Variants in SMPD3 observed in about 807,000 individuals in gnomAD.
SMPD3 encodes the protein nSMase-2.
In SMPD3, 21 loss-of-function variants were observed where a neutral mutation model predicts 55.7. The observed-to-expected ratio is 0.38, with a 90% CI of 0.27 to 0.54. SMPD3 has a LOEUF of 0.54. SMPD3 is among the 20% of genes least tolerant of loss of function. The pLI, the probability that SMPD3 is intolerant of heterozygous loss-of-function variation, is 0.80. For synonymous variants in SMPD3, 457 were observed against 404.3 expected (o/e 1.13, Z -1.56); for missense variants, 842 against 899.6 (o/e 0.94, Z 0.82).
rs773035710 is a variant in SMPD3, at chr16:68,361,203, G to A, written c.*3C>T. ...TGGCAGAGGCCCCGCTGCTCCGGAC[G>A]GTCTATGCCTCCTCCTCCCCCGAAG... On this transcript the variant is annotated 3_prime_UTR_variant, in exon 9 of 9. Transcript: ENST00000219334. 19 of 1,612,862 alleles carry A rather than the reference G, an allele frequency of 1.2e-5. No individual in the cohort carries two copies. The highest frequency in any genetic ancestry group is 3.3e-5 in the Admixed American group (2 of 59,972).
intron 4 of SMPD3, 51 bp from the exon 5 acceptor site, chr16:68,364,957 A>T (rs2089432092): frequency 1.2e-6 from 2 of 1,613,408 alleles, no homozygotes. Flanking sequence ...CCCAGACCCC[A>T]GCTAGGCCCC....
chr16:68,380,618 T>G (rs1185413139), intron 2 of SMPD3, among the ~76,000 whole-genome samples: 1 of 152,098 alleles, frequency 6.6e-6, no homozygotes, highest in Non-Finnish European at 1.5e-5. Flanking sequence ...ACCTCTGCCC[T>G]TCATAGGAAG....
chr16:68,381,594 C>A (rs1447455540), intron 2 of SMPD3, among the ~76,000 whole-genome samples: 1 of 152,160 alleles, frequency 6.6e-6, no homozygotes, highest in Non-Finnish European at 1.5e-5. Context: ...GGTATTGCTG[C>A]GCTTAAGTAC....
rs984130798 is a variant in SMPD3, at chr16:68,361,274, A to G, written c.1900T>C (p.Ser634Pro). The G allele has an allele frequency of 1.2e-6, 2 of 1,612,180 alleles. No individual in the cohort carries two copies. The highest frequency in any genetic ancestry group is 1.7e-6 in the Non-Finnish European group (2 of 1,179,446). ...VEEFSFITQL[S>P]GLTDHLPVAM... ...ACTGGCAGGTGGTCCGTCAGGCCGG[A>G]CAGCTGGGTGATAAAACTGAATTCT... The change falls in exon 9 of 9, where the codon TCC becomes CCC. Residue 634 changes from serine to proline, a missense_variant. By Grantham distance (74) the Ser-to-Pro change is moderately conservative. Transcript: ENST00000219334.
In SMPD3 at chr16:68,363,782, G is replaced by T. The variant is rs773117797; in HGVS notation, c.1640C>A (p.Ala547Asp). Residue 547 changes from alanine (A) to aspartate (D), a missense_variant, in exon 6 of 9, where the codon GCC (alanine) becomes GAC (aspartate). Ala to Asp is a moderately radical substitution (Grantham distance 126). Around this residue, in one of 2 missense-constraint regions of SMPD3, gnomAD observed 649 missense variants for 643.6 expected, o/e 1.01. Coordinates refer to ENST00000219334, the MANE Select transcript of SMPD3 (RefSeq NM_018667.4). ...CTCCCCCAGCCCCAGCTCACCGATG[G>T]CCCACGGCTTCTCCTCACCAGGCCC... Reference protein sequence around the residue: ...RLGPGEEKPWAIGTLLDTNGL... With the variant: ...RLGPGEEKPWDIGTLLDTNGL... 1.2e-5 allele frequency: 18 copies of T among 1,563,598 alleles called. No homozygotes were observed. The highest frequency in any genetic ancestry group is 8.7e-7 in the Non-Finnish European group (1 of 1,154,248).
Position 68,364,671 on chromosome 16 carries a change from T to C in SMPD3, c.1555+80A>G. On this transcript the variant is annotated intron_variant, in intron 5 of 8. Coordinates refer to ENST00000219334, the MANE Select transcript of SMPD3 (RefSeq NM_018667.4). ...AGGAGCAGGAATTCTTTGAGCTGCCTAACGAAGTCTGTCTAGCTGTGACTG... is the reference window on the plus strand; with the variant it reads ...AGGAGCAGGAATTCTTTGAGCTGCCCAACGAAGTCTGTCTAGCTGTGACTG... 4 of 1,477,386 alleles carry C rather than the reference T, an allele frequency of 2.7e-6. No individual in the cohort carries two copies. The Admixed American group carries it at 8.4e-5, about 31-fold the overall frequency. The allele number at this position is 1,477,386 out of a possible 1,614,324, so 91.5% of individuals were successfully genotyped here. A position where few individuals can be genotyped will look rare whatever the true frequency, so the allele number is the denominator to read the frequency against.
rs576674098 is a variant in SMPD3, at chr16:68,361,190, C to T, written c.*16G>A. Reference sequence around the variant, plus strand: ...CAGCTGCAAGGGCTGGCAGAGGCCCCGCTGCTCCGGACGGTCTATGCCTCC... The same window carrying T: ...CAGCTGCAAGGGCTGGCAGAGGCCCTGCTGCTCCGGACGGTCTATGCCTCC... On this transcript the variant is annotated 3_prime_UTR_variant, in exon 9 of 9. Coordinates refer to ENST00000219334, the MANE Select transcript of SMPD3 (RefSeq NM_018667.4). 1.2e-5 allele frequency: 20 copies of T among 1,609,832 alleles called. No homozygotes were observed. The highest frequency in any genetic ancestry group is 1.3e-5 in the African/African-American group (1 of 74,852).
At position 68,447,514 on chromosome 16, in the gene SMPD3, G is replaced by A. The variant is rs1417716751; in HGVS notation, c.-269+839C>T. ...GATAAGGCCCAGGTGGGGAGAGGTGGGGAGGGGTCCCTCCTGTCCTCGTAC... is the reference window on the plus strand; with the variant it reads ...GATAAGGCCCAGGTGGGGAGAGGTGAGGAGGGGTCCCTCCTGTCCTCGTAC... On this transcript the variant is annotated intron_variant, in intron 1 of 8. Coordinates refer to ENST00000219334, the MANE Select transcript of SMPD3 (RefSeq NM_018667.4). The surrounding 1 kb of genome is among the most constrained non-coding windows in gnomAD (Gnocchi z 5.1). 7.2e-5 allele frequency among the ~76,000 whole-genome samples: 11 copies of A among 152,044 alleles called. No homozygotes were observed. The highest frequency in any genetic ancestry group is 2.9e-5 in the Non-Finnish European group (2 of 67,912).
At chr16:68,448,288 C>T (rs983510513) in intron 1 of SMPD3, 65 bp downstream of exon 1, 6 of 152,570 alleles carry the variant, frequency 3.9e-5, no homozygotes, top group African/African-American at 1.4e-4. Context: ...CGTCAACTCC[C>T]CAGCCCCTCA....
chr16:68,361,028 CCA>C lies in SMPD3; in HGVS notation c.*176_*177del, dbSNP rs1449647232. 1.6e-6 allele frequency: 1 copy of C among 608,632 alleles called. No individual in the cohort carries two copies. The highest frequency in any genetic ancestry group is 2.9e-6 in the Non-Finnish European group (1 of 349,886). 37.7% of individuals were successfully genotyped at this position (608,632 alleles called of 1,614,324 possible). On this transcript the variant is annotated 3_prime_UTR_variant, in exon 9 of 9. Coordinates refer to ENST00000219334, the MANE Select transcript of SMPD3 (RefSeq NM_018667.4). ...CCTGGGGCGGGCCTGACTCCTCTGTCCACAGTGAGGCCCAGAGGCGCAGAGCA... is the reference window on the plus strand; with the variant it reads ...CCTGGGGCGGGCCTGACTCCTCTGTCCAGTGAGGCCCAGAGGCGCAGAGCA...
intron 1 of SMPD3, among the ~76,000 whole-genome samples, chr16:68,398,480 G>A (rs2090179353): frequency 6.6e-6 from 1 of 152,180 alleles, no homozygotes; most frequent in South Asian, 2.1e-4. Flanking sequence ...GGCCTGAGGT[G>A]GCCGAGCTGG....
chr16:68,407,277 A>C (rs1166947704), intron 1 of SMPD3, among the ~76,000 whole-genome samples: 1 of 152,216 alleles, frequency 6.6e-6, no homozygotes, highest in Non-Finnish European at 1.5e-5. Context: ...TATAACATTC[A>C]TGTCTGAGAC....
At chr16:68,440,348 C>T (rs1300616471) in intron 1 of SMPD3, among the ~76,000 whole-genome samples, 1 of 152,170 alleles carries the variant, frequency 6.6e-6, no homozygotes, top group Non-Finnish European at 1.5e-5. Flanking sequence ...TACAGGTGCA[C>T]ACCACCATGC....
rs142557088 is a variant in SMPD3, at chr16:68,365,132, C to T, written c.1324-40G>A. On this transcript the variant is annotated intron_variant, in intron 3 of 8. Transcript: ENST00000219334. ...GGTCAGTGCTGCCACCTGCCAGTCA[C>T]TGTGGCCCTGAGAGCACAGGACACT... 6.0e-5 allele frequency: 97 copies of T among 1,606,216 alleles called. No homozygotes were observed. In the Admixed American group the frequency reaches 1.0e-3, roughly 17 times the overall value.
chr16:68,365,223 C>T, intron 3 of SMPD3, 131 bp from the exon 4 acceptor site: 1 of 860,150 alleles, frequency 1.2e-6, no homozygotes, highest in African/African-American at 1.7e-5. Flanking sequence ...ATTCTGGGGT[C>T]CGAGTAGGGA....
intron 1 of SMPD3, among the ~76,000 whole-genome samples, chr16:68,393,389 G>T (rs2090129136): frequency 6.6e-6 from 1 of 152,136 alleles, no homozygotes; most frequent in African/African-American, 2.4e-5. Context: ...GGGCGATAGA[G>T]CACGAGATTC....
intron 3 of SMPD3, among the ~76,000 whole-genome samples, chr16:68,365,412 T>C (rs2089447393): frequency 6.6e-6 from 1 of 152,176 alleles, no homozygotes; most frequent in African/African-American, 2.4e-5. Context: ...GTGACCAGCG[T>C]GGCCACGGCT....
intron 1 of SMPD3, among the ~76,000 whole-genome samples, chr16:68,435,631 C>T (rs1049988196): frequency 1.3e-5 from 2 of 152,212 alleles, no homozygotes; most frequent in Non-Finnish European, 2.9e-5. Context: ...CCTGCCAGGG[C>T]CCAAGTTCTC....
intron 2 of SMPD3, among the ~76,000 whole-genome samples, chr16:68,381,642 C>G (rs1878267691): frequency 6.6e-6 from 1 of 152,206 alleles, no homozygotes; most frequent in Admixed American, 6.5e-5. Flanking sequence ...AGCTCTCTCC[C>G]TCTGCCACAT....
Sources: gnomAD v4.1 joint callset for allele counts (sites outside exome capture counted in the v4.1 genomes callset) on GRCh38, gnomAD v4.1.1 for gene constraint, gnomAD v4.1.1 regional missense constraint, Gnocchi (gnomAD v3.1) non-coding constraint, MANE v1.5 for transcripts, NCBI Gene and HGNC (gene_info 2026-07-23, HGNC 2026-07-21) for gene names.